Variants in ITSN1 observed in about 807,000 individuals in gnomAD.
ITSN1 encodes the protein intersectin-1.
A neutral mutation model predicts 239.8 loss-of-function variants in ITSN1; 58 were observed. That is an observed-to-expected ratio of 0.24 (90% confidence interval 0.20 to 0.30). The LOEUF (loss-of-function observed/expected upper bound fraction) is 0.30. Among genes scored for constraint, ITSN1 ranks in the 10% least tolerant of loss-of-function variants. The probability of loss-of-function intolerance (pLI) is 1.00; values close to 1 mark genes in which losing one functional copy is unlikely to be tolerated. For synonymous variants in ITSN1, 780 were observed against 770.8 expected, an observed-to-expected ratio of 1.01 and a Z score of -0.20; for missense variants, 1,558 against 2,103.3, an observed-to-expected ratio of 0.74 and a Z score of 5.07.
chr21:33,881,941 G>C (rs1299551797), intron 34 of ITSN1, among the ~76,000 whole-genome samples: 1 of 121,310 alleles, frequency 8.2e-6, no homozygotes, highest in African/African-American at 3.0e-5. Context: ...GTGAGACCCT[G>C]TCTCAAAAAA....
At chr21:33,659,705 CTTTTTTTT>C (rs71194859) in intron 1 of ITSN1, among the ~76,000 whole-genome samples, 2 of 76,608 alleles carry the variant, frequency 2.6e-5, no homozygotes, top group South Asian at 5.3e-4. Context: ...GCAGCCTGTA[CTTTTTTTT>C]TTTTTTTTTT....
At chr21:33,745,653 G>A (rs2067134819) in intron 5 of ITSN1, among the ~76,000 whole-genome samples, 1 of 152,176 alleles carries the variant, frequency 6.6e-6, no homozygotes, top group Non-Finnish European at 1.5e-5. Flanking sequence ...TGCTGTCACT[G>A]AAGGGGGCTT....
chr21:33,697,679 A>AG (rs2091857055), intron 1 of ITSN1, among the ~76,000 whole-genome samples: 1 of 152,188 alleles, frequency 6.6e-6, no homozygotes, highest in Non-Finnish European at 1.5e-5. Context: ...TATCTCAATC[A>AG]GTGGTTCTTA....
intron 16 of ITSN1, among the ~76,000 whole-genome samples, chr21:33,792,260 A>G (rs2071196169): frequency 6.6e-6 from 1 of 152,096 alleles, no homozygotes; most frequent in Non-Finnish European, 1.5e-5. Context: ...GCTAGAGTGC[A>G]GTGGCGCGAT....
intron 14 of ITSN1, among the ~76,000 whole-genome samples, chr21:33,780,882 T>TA (rs997156074): frequency 1.3e-5 from 2 of 152,108 alleles, no homozygotes; most frequent in Non-Finnish European, 2.9e-5. Flanking sequence ...TTGTGTCAGT[T>TA]AAAAAAATAG....
At chr21:33,744,313 T>A (rs1383446230) in intron 5 of ITSN1, among the ~76,000 whole-genome samples, 2 of 152,234 alleles carry the variant, frequency 1.3e-5, no homozygotes, top group African/African-American at 4.8e-5. Flanking sequence ...AAATCTGTAT[T>A]CTTGGTGTGG....
chr21:33,786,287 C>T (rs2070671286), intron 16 of ITSN1, among the ~76,000 whole-genome samples: 1 of 152,118 alleles, frequency 6.6e-6, no homozygotes, highest in African/African-American at 2.4e-5. Flanking sequence ...CTGTATGTAA[C>T]AAATACCTTA....
chr21:33,823,316 G>A (rs960447082), intron 24 of ITSN1, among the ~76,000 whole-genome samples, 171 bp from the exon 25 acceptor site: 1 of 152,268 alleles, frequency 6.6e-6, no homozygotes, highest in Non-Finnish European at 1.5e-5. Context: ...GTGCACTGGG[G>A]GAATGTGGAG....
chr21:33,853,957 A>T lies in ITSN1; in HGVS notation c.3662-2779A>T, dbSNP rs2268255. On this transcript the variant is annotated intron_variant, in intron 29 of 39. Transcript: ENST00000381318. ...AGGACCACCAGTCCCCCAGGTTCTT[A>T]GCTATGCCCTGGAGGGCAGGAGTCT... Among the ~76,000 whole-genome samples the T allele has an allele frequency of 7.2e-5, 11 of 152,150 alleles. No individual in the cohort carries two copies. The South Asian group carries it at 8.3e-4, about 11-fold the overall frequency.
Position 33,772,314 on chromosome 21 carries a change from G to A in ITSN1, c.1296G>A (p.Glu432=), listed in dbSNP as rs1224769126. The A allele has an allele frequency of 1.9e-6, 3 of 1,553,292 alleles. No homozygotes were observed. In the East Asian group the frequency reaches 7.3e-5, roughly 38 times the overall value. ...QREEERRKEI[E]RREAAKRELE... ...AGGAGGAGAGGAGGAAAGAAATTGAGAGGCGAGAGGTAAGCAGGCGAGAGT... is the reference window on the plus strand; with the variant it reads ...AGGAGGAGAGGAGGAAAGAAATTGAAAGGCGAGAGGTAAGCAGGCGAGAGT... The change falls in exon 12 of 40, where the codon GAG becomes GAA. Residue 432 remains glutamate (E), a synonymous_variant. Coordinates refer to ENST00000381318, the MANE Select transcript of ITSN1 (RefSeq NM_003024.3).
chr21:33,723,438 C>A (rs1286846020), intron 4 of ITSN1, among the ~76,000 whole-genome samples: 1 of 152,118 alleles, frequency 6.6e-6, no homozygotes, highest in Non-Finnish European at 1.5e-5. Context: ...CACGGTGAAA[C>A]CCCATCTCTC....
At chr21:33,798,114 T>C (rs2071702046) in intron 18 of ITSN1, among the ~76,000 whole-genome samples, 1 of 152,254 alleles carries the variant, frequency 6.6e-6, no homozygotes, top group Non-Finnish European at 1.5e-5. Flanking sequence ...TCTTTTTTCT[T>C]TGAGACAGTG....
intron 3 of ITSN1, among the ~76,000 whole-genome samples, chr21:33,722,174 C>T (rs757943817): frequency 3.6e-4 from 55 of 152,098 alleles, no homozygotes; most frequent in Non-Finnish European, 8.8e-5. Context: ...TATTTATTCT[C>T]TGTAAATACT....
At chr21:33,705,779 C>G (rs1224473599) in intron 1 of ITSN1, among the ~76,000 whole-genome samples, 1 of 152,060 alleles carries the variant, frequency 6.6e-6, no homozygotes, top group African/African-American at 2.4e-5. Flanking sequence ...ATGGAAAGAC[C>G]TTAATAAAAT....
chr21:33,869,365 A>C (rs1027786940), intron 33 of ITSN1, among the ~76,000 whole-genome samples: 2 of 152,222 alleles, frequency 1.3e-5, no homozygotes, highest in African/African-American at 4.8e-5. Context: ...AAACCATCAG[A>C]TATTGTGAGA....
At chr21:33,715,453 A>T (rs2147013331) in intron 1 of ITSN1, among the ~76,000 whole-genome samples, 1 of 152,338 alleles carries the variant, frequency 6.6e-6, no homozygotes, top group South Asian at 2.1e-4. Flanking sequence ...ATGCATTTAA[A>T]ATCCAGAGCT....
rs1569230327 is a variant in ITSN1 at position 33,811,727 on chromosome 21, T to C, written c.2567+505T>C. On this transcript the variant is annotated intron_variant, in intron 21 of 39. Transcript: ENST00000381318. ...AGTAGAATGAAGAGGTGTTTGCACT[T>C]GGCCAGTTAGTTCTGTGCCCTGGTT... Among the ~76,000 whole-genome samples, 5 of 152,254 alleles carry C rather than the reference T, an allele frequency of 3.3e-5. No homozygotes were observed. The South Asian group carries it at 1.0e-3, about 31-fold the overall frequency.
At chr21:33,659,889 T>A (rs1032523673) in intron 1 of ITSN1, among the ~76,000 whole-genome samples, 20 of 151,082 alleles carry the variant, frequency 1.3e-4, no homozygotes, top group Admixed American at 4.6e-4. Context: ...CTGGCTAATT[T>A]AAAAAAAAAT....
rs1362622407 is a variant in ITSN1, at chr21:33,812,762, G to A, written c.2568-1151G>A. Among the ~76,000 whole-genome samples the A allele has an allele frequency of 3.3e-5, 5 of 152,168 alleles. No individual in the cohort carries two copies. In the East Asian group the frequency reaches 9.6e-4, roughly 29 times the overall value. On this transcript the variant is annotated intron_variant, in intron 21 of 39. Coordinates refer to ENST00000381318, the MANE Select transcript of ITSN1 (RefSeq NM_003024.3). The stretch of plus-strand genomic sequence containing the variant: ...GATCCTCCTGCCTTGGCCTCCCAAA[G>A]CGCTGGGATTAGAGGTATCAGCCAC...
Sources: gnomAD v4.1 joint callset for allele counts (sites outside exome capture counted in the v4.1 genomes callset) on GRCh38, gnomAD v4.1.1 for gene constraint, MANE v1.5 for transcripts, NCBI Gene and HGNC (gene_info 2026-07-23, HGNC 2026-07-21) for gene names.